Variants in ST6GAL1 observed in about 807,000 individuals in gnomAD.
ST6GAL1 encodes beta-galactoside alpha-2,6-sialyltransferase 1.
A neutral mutation model predicts 38.0 loss-of-function variants in ST6GAL1; 20 were observed. The ratio of observed to expected loss-of-function variants is 0.53; its 90% CI spans 0.37 to 0.77. The LOEUF (loss-of-function observed/expected upper bound fraction) is 0.77. ST6GAL1 is among the 30% of genes least tolerant of loss of function. The pLI is 0.00. For synonymous variants in ST6GAL1, 196 were observed against 188.2 expected (o/e 1.04, Z -0.34); for missense variants, 432 against 496.4 (o/e 0.87, Z 1.23).
intron 2 of ST6GAL1, among the ~76,000 whole-genome samples, chr3:186,983,392 AAGAG>A (rs1396739692): frequency 1.3e-5 from 2 of 152,142 alleles, no homozygotes; most frequent in Non-Finnish European, 2.9e-5. Flanking sequence ...TGAGAAAACA[AAGAG>A]AGGGAGGCAG....
intron 2 of ST6GAL1, among the ~76,000 whole-genome samples, chr3:186,984,740 T>TTCCTTCCTCCCTTCCTTCCTTCCTTCCC (rs1560150842): frequency 7.8e-5 from 5 of 63,932 alleles, no homozygotes; most frequent in African/African-American, 2.9e-4. Flanking sequence ...CCTTCCTTCC[T>TTCCTTCCTCCCTTCCTTCCTTCCTTCCC]TCCCTCCCTC....
chr3:187,018,920 G>GA (rs1300669628), intron 2 of ST6GAL1, among the ~76,000 whole-genome samples: 2 of 152,138 alleles, frequency 1.3e-5, no homozygotes, highest in Admixed American at 6.5e-5. Flanking sequence ...TGAGTATCTC[G>GA]AAAAGCCAGA....
At chr3:187,062,515 C>T (rs966240422) in intron 5 of ST6GAL1, among the ~76,000 whole-genome samples, 2 of 148,488 alleles carry the variant, frequency 1.3e-5, no homozygotes, top group African/African-American at 2.5e-5. Context: ...AAGAAAATAC[C>T]GAGATTGGCT....
chr3:186,995,459 T>C (rs1716361243), intron 2 of ST6GAL1, among the ~76,000 whole-genome samples: 1 of 142,360 alleles, frequency 7.0e-6, no homozygotes, highest in African/African-American at 2.6e-5. Context: ...TGAGCCAAGA[T>C]TGCGCCACTG....
chr3:187,055,271 A>AT (rs1208491730), intron 5 of ST6GAL1, among the ~76,000 whole-genome samples: 69 of 147,242 alleles, frequency 4.7e-4, no homozygotes, highest in African/African-American at 1.5e-3. Flanking sequence ...GGATTCATTG[A>AT]TTTTTTTGAA....
chr3:186,957,691 C>A (rs1194979953), intron 1 of ST6GAL1, among the ~76,000 whole-genome samples: 3 of 151,980 alleles, frequency 2.0e-5, no homozygotes, highest in African/African-American at 7.3e-5. Flanking sequence ...AATCCTCCCC[C>A]CAACCAAATG....
At chr3:187,025,058 G>T (rs1225860192) in intron 2 of ST6GAL1, among the ~76,000 whole-genome samples, 4 of 151,156 alleles carry the variant, frequency 2.6e-5, no homozygotes, top group Admixed American at 6.6e-5. Flanking sequence ...GAATCTGAGG[G>T]TCTACGTTCT....
intron 2 of ST6GAL1, among the ~76,000 whole-genome samples, chr3:187,018,800 T>C (rs1273357111): frequency 6.6e-6 from 1 of 152,186 alleles, no homozygotes; most frequent in Non-Finnish European, 1.5e-5. Flanking sequence ...CACAGGGGCA[T>C]GCTAAGCAAG....
intron 5 of ST6GAL1, chr3:187,072,532 C>T (rs1719419685): frequency 5.5e-6 from 2 of 363,578 alleles, no homozygotes; most frequent in African/African-American, 2.1e-5. Flanking sequence ...GTGACCACCA[C>T]ACAAGCTGTG....
At chr3:186,946,835 A>G (rs1402033625) in intron 1 of ST6GAL1, among the ~76,000 whole-genome samples, 1 of 152,210 alleles carries the variant, frequency 6.6e-6, no homozygotes, top group African/African-American at 2.4e-5. Flanking sequence ...GAACGGAGAT[A>G]CAGATGGATG....
At chr3:186,977,836 C>G (rs1715569680) in intron 2 of ST6GAL1, among the ~76,000 whole-genome samples, 1 of 152,196 alleles carries the variant, frequency 6.6e-6, no homozygotes, top group African/African-American at 2.4e-5. Context: ...GTAGTGGTCA[C>G]TATCCTCATC....
intron 2 of ST6GAL1, among the ~76,000 whole-genome samples, chr3:186,989,068 CTT>C (rs1461794795): frequency 6.6e-6 from 1 of 152,148 alleles, no homozygotes. Flanking sequence ...AGTCATTCCT[CTT>C]GTTTTACAGT....
intron 2 of ST6GAL1, among the ~76,000 whole-genome samples, chr3:187,012,565 G>T (rs2108559617): frequency 6.6e-6 from 1 of 152,250 alleles, no homozygotes; most frequent in African/African-American, 2.4e-5. Context: ...CACTTTTTAA[G>T]GTTATTTGAA....
At chr3:186,986,456 G>C (rs77566828) in intron 2 of ST6GAL1, 3,944 of 152,550 alleles carry the variant, frequency 0.026, 182 homozygotes, top group African/African-American at 0.09. Context: ...CAGCAACAAT[G>C]ACCACCACCA....
intron 1 of ST6GAL1, among the ~76,000 whole-genome samples, chr3:186,961,268 G>T (rs1360669595): frequency 6.6e-6 from 1 of 152,106 alleles, no homozygotes; most frequent in South Asian, 2.1e-4. Context: ...GAGCCACTGC[G>T]CCCGGCCCCA....
chr3:186,986,242 A>T (rs1375239731), intron 2 of ST6GAL1: 1 of 152,144 alleles, frequency 6.6e-6, no homozygotes, highest in Non-Finnish European at 1.5e-5. Flanking sequence ...TAAATGACAC[A>T]CTAAGCTAAT....
chr3:186,938,119 T>C (rs1486681054), intron 1 of ST6GAL1, among the ~76,000 whole-genome samples: 1 of 152,250 alleles, frequency 6.6e-6, no homozygotes. Context: ...AAGAAATCTC[T>C]GTTCATTTTC....
In ST6GAL1 at chr3:186,953,215, T is replaced by C. The variant is rs148793857; in HGVS notation, c.-324-10570T>C. On this transcript the variant is annotated intron_variant, in intron 1 of 7. Transcript: ENST00000169298. The stretch of plus-strand genomic sequence containing the variant: ...CTTCCGCTCAAAAACCAGGAAAGGC[T>C]TCCTCTTTTACTCAGAGCTTAGAAA... Among the ~76,000 whole-genome samples, 1,276 of 152,240 alleles carry C rather than the reference T, an allele frequency of 8.4e-3. 22 individuals are homozygous for C. Among genetic ancestry groups the C allele is most frequent in the African/African-American group, 0.029 (1,217 of 41,512 alleles).
chr3:186,953,427 C>A (rs559342501), intron 1 of ST6GAL1, among the ~76,000 whole-genome samples: 1 of 152,250 alleles, frequency 6.6e-6, no homozygotes, highest in South Asian at 2.1e-4. Context: ...CTATTGTTTT[C>A]GTCTCTTCTT....
Sources: allele counts gnomAD v4.1 joint callset (sites outside exome capture counted in the v4.1 genomes callset), GRCh38; gene constraint gnomAD v4.1.1; transcripts MANE v1.5; gene names NCBI Gene and HGNC (gene_info 2026-07-23, HGNC 2026-07-21).